Variants in DHX32 observed in about 807,000 individuals in gnomAD.
The protein encoded by DHX32 is putative pre-mRNA-splicing factor ATP-dependent RNA helicase DHX32.
Under a neutral mutation model 70.0 loss-of-function variants are expected in DHX32, and 51 were observed. The ratio of observed to expected loss-of-function variants is 0.73; its 90% confidence interval spans 0.58 to 0.92. DHX32 has a LOEUF of 0.92. DHX32 is among the 40% of genes least tolerant of loss of function. The pLI, the probability that DHX32 is intolerant of heterozygous loss-of-function variation, is 0.00. For synonymous variants in DHX32, 310 were observed against 315.3 expected (o/e 0.98, Z 0.18); for missense variants, 762 against 891.8 (o/e 0.85, Z 1.85).
In DHX32 at chr10:125,852,342, C is replaced by T; in HGVS notation, c.1302G>A (p.Lys434=). ...GGCCTAGGCCCGCAATGTCTATCCT[C>T]TTCATAAAAAGCACCATGCTTGTTA... The part of the protein sequence containing the change: ...ANLTSMVLFM[K]RIDIAGLGHC... Residue 434 remains lysine (K), a synonymous_variant, in exon 6 of 11, where the codon AAG becomes AAA. Transcript: ENST00000284690. 6.2e-7 allele frequency: 1 copy of T among 1,614,202 alleles called. No individual in the cohort carries two copies. The highest frequency in any genetic ancestry group is 2.2e-5 in the East Asian group (1 of 44,890).
chr10:125,896,365 CG>C, exon 1 of DHX32: 1 of 416,770 alleles, frequency 2.4e-6, no homozygotes, highest in Non-Finnish European at 3.9e-6. Flanking sequence ...TGCGGGGCCG[CG>C]GGGGCCGCCA....
At position 125,836,833 on chromosome 10, in the gene DHX32, A is replaced by G. The variant is rs1854704745; in HGVS notation, c.2086T>C (p.Tyr696His). 6.2e-7 allele frequency: 1 copy of G among 1,614,064 alleles called. No homozygotes were observed. Among genetic ancestry groups the G allele is most frequent in the Non-Finnish European group, 8.5e-7 (1 of 1,180,010 alleles). Residue 696 changes from tyrosine (Y) to histidine (H), a missense_variant, in exon 11 of 11, where the codon TAC (tyrosine) becomes CAC (histidine). Tyr to His is a moderately conservative substitution (Grantham distance 83). Around this residue, in one of 3 missense-constraint regions of DHX32, gnomAD observed 366 missense variants for 402.6 expected, o/e 0.91. Transcript: ENST00000284690. ...PELFMQLVPQ[Y>H]YFSNLPPSES... Reference sequence around the variant, plus strand: ...CTAGGAGGCAGATTACTGAAATAGTATTGTGGTACCAGCTGCATAAATCTG... The same window carrying G: ...CTAGGAGGCAGATTACTGAAATAGTGTTGTGGTACCAGCTGCATAAATCTG...
At chr10:125,851,330 C>G (rs1944086704) in intron 6 of DHX32, among the ~76,000 whole-genome samples, 2 of 152,180 alleles carry the variant, frequency 1.3e-5, no homozygotes, top group Non-Finnish European at 2.9e-5. Flanking sequence ...TACCCTAACC[C>G]TTTTGTCCCC....
At chr10:125,855,704 C>T (rs192911020) in intron 3 of DHX32, among the ~76,000 whole-genome samples, 297 of 152,290 alleles carry the variant, frequency 2.0e-3, no homozygotes, top group African/African-American at 6.9e-3. Context: ...CCTGCCTTGG[C>T]CTCCCAAAGT....
At chr10:125,891,153 C>G (rs138971022) in intron 1 of DHX32, among the ~76,000 whole-genome samples, 1 of 152,108 alleles carries the variant, frequency 6.6e-6, no homozygotes, top group Non-Finnish European at 1.5e-5. Context: ...CTAATTTACT[C>G]TGAGTAGAAG....
intron 2 of DHX32, among the ~76,000 whole-genome samples, chr10:125,863,818 T>C (rs1345116865): frequency 6.6e-6 from 1 of 152,218 alleles, no homozygotes; most frequent in Non-Finnish European, 1.5e-5. Flanking sequence ...AAATTATGGC[T>C]AGCATACCTC....
At chr10:125,887,539 T>C (rs1356900677) in intron 1 of DHX32, among the ~76,000 whole-genome samples, 1 of 152,240 alleles carries the variant, frequency 6.6e-6, no homozygotes, top group Non-Finnish European at 1.5e-5. Flanking sequence ...CATTTCTTGA[T>C]CCAAATTTCA....
rs1446023647 is a variant in DHX32, at chr10:125,854,102, T to C, written c.951A>G (p.Ser317=). The change falls in exon 4 of 11, where the codon TCA becomes TCG. Residue 317 remains serine, a synonymous_variant. Transcript: ENST00000284690. ...CTGTTTCATCGAGTGGCTTGAACAA[T>C]GAACATTTCTCTTTTGGATACAAAG... ...VVPLYPKEKC[S]LFKPLDETEK... is the part of the protein sequence containing the mutation. 6.2e-7 allele frequency: 1 copy of C among 1,614,008 alleles called. No homozygotes were observed. The highest frequency in any genetic ancestry group is 1.3e-5 in the African/African-American group (1 of 75,022).
intron 2 of DHX32, 132 bp from the exon 3 acceptor site, chr10:125,860,107 T>G (rs1352954478): frequency 2.6e-5 from 19 of 742,788 alleles, no homozygotes; most frequent in Non-Finnish European, 2.1e-5. Flanking sequence ...GGGGCCAAAA[T>G]TCCTTTAAGT....
chr10:125,864,408 A>G (rs543213185), intron 2 of DHX32, among the ~76,000 whole-genome samples: 1 of 152,288 alleles, frequency 6.6e-6, no homozygotes, highest in African/African-American at 2.4e-5. Context: ...TCAGCCCACC[A>G]CACCTGAAGC....
chr10:125,841,024 A>G lies in DHX32; in HGVS notation c.1544-28T>C, dbSNP rs750461534. Reference sequence around the variant, plus strand: ...TCAAAATGAAAAAGGTCACATGGTTAGCAATAATGAAGACATTTTATCTTA... The same window carrying G: ...TCAAAATGAAAAAGGTCACATGGTTGGCAATAATGAAGACATTTTATCTTA... On this transcript the variant is annotated intron_variant, in intron 7 of 10. Coordinates refer to ENST00000284690, the MANE Select transcript of DHX32 (RefSeq NM_018180.3). The G allele has an allele frequency of 5.1e-6, 8 of 1,582,528 alleles. No homozygotes were observed. In the South Asian group the frequency reaches 8.0e-5, roughly 16 times the overall value.
At position 125,839,271 on chromosome 10, in the gene DHX32, A is replaced by C. The variant is rs1300335214; in HGVS notation, c.1694-83T>G. ...CCCAGGCCAGGCAGTTGCCATCTTTAAGCCCTGTGCTCTCCTCTCCTACAA... is the reference window on the plus strand; with the variant it reads ...CCCAGGCCAGGCAGTTGCCATCTTTCAGCCCTGTGCTCTCCTCTCCTACAA... On this transcript the variant is annotated intron_variant, in intron 8 of 10. Coordinates refer to ENST00000284690, the MANE Select transcript of DHX32 (RefSeq NM_018180.3). The C allele has an allele frequency of 2.1e-6, 3 of 1,425,982 alleles. No individual in the cohort carries two copies. In the African/African-American group the frequency reaches 4.2e-5, roughly 20 times the overall value. The allele number at this position is 1,425,982 out of a possible 1,614,324, so 88.3% of individuals were successfully genotyped here.
At chr10:125,843,317 A>T (rs974436199) in intron 6 of DHX32, among the ~76,000 whole-genome samples, 1 of 152,150 alleles carries the variant, frequency 6.6e-6, no homozygotes, top group Non-Finnish European at 1.5e-5. Flanking sequence ...TTTGATCATT[A>T]AGCTCTATGT....
intron 7 of DHX32, chr10:125,841,307 AACCAG>A: frequency 6.2e-7 from 1 of 1,614,170 alleles, no homozygotes; most frequent in Non-Finnish European, 8.5e-7. Context: ...AGAGGATTGG[AACCAG>A]TTCCGATACA....
intron 1 of DHX32, among the ~76,000 whole-genome samples, chr10:125,893,401 GC>G: frequency 6.6e-6 from 1 of 152,178 alleles, no homozygotes; most frequent in East Asian, 1.9e-4. Context: ...CCGCCACCAT[GC>G]CCGGCTAATT....
In DHX32 at chr10:125,840,953, A is replaced by G. The variant is rs150941381; in HGVS notation, c.1587T>C (p.Ala529=). ...AAAATGTCTTCCAACAAGTCAAGGCAGCCTCTTCAGCTCCATGTGGCACAT... is the reference window on the plus strand; with the variant it reads ...AAAATGTCTTCCAACAAGTCAAGGCGGCCTCTTCAGCTCCATGTGGCACAT... ...FSHVPHGAEE[A]ALTCWKTFLH... Residue 529 remains alanine (A), a synonymous_variant, in exon 8 of 11, where the codon GCT becomes GCC. Transcript: ENST00000284690. The G allele has an allele frequency of 1.2e-6, 2 of 1,612,032 alleles. No homozygotes were observed. The highest frequency in any genetic ancestry group is 2.7e-5 in the African/African-American group (2 of 75,026).
intron 1 of DHX32, among the ~76,000 whole-genome samples, chr10:125,871,044 A>G (rs1387272775): frequency 6.6e-6 from 1 of 152,108 alleles, no homozygotes; most frequent in Non-Finnish European, 1.5e-5. Flanking sequence ...TCGAACTCTA[A>G]AATTCGACAA....
chr10:125,896,345 G>A (rs141988114), exon 1 of DHX32: 8 of 291,256 alleles, frequency 2.7e-5, no homozygotes, highest in Non-Finnish European at 4.4e-5. Flanking sequence ...CGACGTCGGG[G>A]CACAGGTCCT....
chr10:125,862,686 G>A (rs935578054), intron 2 of DHX32, among the ~76,000 whole-genome samples: 3 of 152,248 alleles, frequency 2.0e-5, no homozygotes, highest in African/African-American at 4.8e-5. Flanking sequence ...AGGGAATTGT[G>A]AAGGCTCAAT....
Sources: gnomAD v4.1 joint callset for allele counts (sites outside exome capture counted in the v4.1 genomes callset) on GRCh38, gnomAD v4.1.1 for gene constraint, gnomAD v4.1.1 regional missense constraint, MANE v1.5 for transcripts, NCBI Gene and HGNC (gene_info 2026-07-23, HGNC 2026-07-21) for gene names.